Variants in MACROD2 observed in about 807,000 individuals in gnomAD.
MACROD2 encodes the protein ADP-ribose glycohydrolase MACROD2.
Under a neutral mutation model 70.4 loss-of-function variants are expected in MACROD2, and 36 were observed. The observed-to-expected ratio is 0.51, with a 90% CI of 0.39 to 0.68. MACROD2 has a LOEUF of 0.68. Ranked by LOEUF, MACROD2 falls within the 30% of genes least tolerant of loss-of-function variation. The pLI is 0.00. For missense variants in MACROD2, 496 were observed against 538.4 expected (o/e 0.92, Z 0.78); for synonymous variants, 172 against 178.8 (o/e 0.96, Z 0.30).
chr20:14,527,684 T>C (rs987336012), intron 4 of MACROD2, among the ~76,000 whole-genome samples: 2 of 152,252 alleles, frequency 1.3e-5, no homozygotes, highest in Admixed American at 6.5e-5. Flanking sequence ...CATTTTTCTG[T>C]GTTTTACATT....
chr20:15,716,169 A>G (rs996595019), intron 8 of MACROD2, among the ~76,000 whole-genome samples: 5 of 152,184 alleles, frequency 3.3e-5, no homozygotes, highest in African/African-American at 1.2e-4. Flanking sequence ...AATAAAAACT[A>G]TTTAAAAATT....
chr20:15,332,805 T>C (rs2078007069), intron 6 of MACROD2, among the ~76,000 whole-genome samples: 1 of 151,662 alleles, frequency 6.6e-6, no homozygotes, highest in African/African-American at 2.4e-5. Flanking sequence ...CCTTTTCTGT[T>C]GGGGATAGAA....
chr20:14,507,063 G>C (rs2084977116), intron 4 of MACROD2, among the ~76,000 whole-genome samples: 1 of 152,138 alleles, frequency 6.6e-6, no homozygotes, highest in African/African-American at 2.4e-5. Flanking sequence ...CTAGTATTCA[G>C]AGAGAAAAAA....
At chr20:14,407,093 A>G (rs2083698209) in intron 3 of MACROD2, among the ~76,000 whole-genome samples, 1 of 145,784 alleles carries the variant, frequency 6.9e-6, no homozygotes, top group Non-Finnish European at 1.5e-5. Context: ...TTTTATTCAG[A>G]TCTAGTGATA....
intron 5 of MACROD2, among the ~76,000 whole-genome samples, chr20:15,208,050 TC>T (rs1568637464): frequency 6.6e-6 from 1 of 151,674 alleles, no homozygotes; most frequent in East Asian, 1.9e-4. Context: ...TGATTTTAGA[TC>T]TTTTGTAATA....
intron 5 of MACROD2, chr20:15,022,908 T>A (rs1464164485): frequency 1.3e-5 from 2 of 152,212 alleles, no homozygotes; most frequent in Non-Finnish European, 2.9e-5. Context: ...AATATTAGCA[T>A]GTCCCCTGTG....
intron 5 of MACROD2, among the ~76,000 whole-genome samples, chr20:14,881,056 AC>A (rs972746289): frequency 5.9e-5 from 9 of 152,158 alleles, no homozygotes; most frequent in African/African-American, 2.2e-4. Flanking sequence ...ATTAGGGCCT[AC>A]ATGGCCTACC....
chr20:15,215,571 G>T (rs1279471901), intron 5 of MACROD2, among the ~76,000 whole-genome samples: 1 of 151,796 alleles, frequency 6.6e-6, no homozygotes, highest in Non-Finnish European at 1.5e-5. Context: ...CATAAAATTT[G>T]TATAAAACTA....
intron 3 of MACROD2, among the ~76,000 whole-genome samples, chr20:14,431,029 C>T (rs2083989036): frequency 6.6e-6 from 1 of 152,134 alleles, no homozygotes; most frequent in Admixed American, 6.6e-5. Flanking sequence ...ACATCATCTT[C>T]TCTGAGGCAC....
intron 5 of MACROD2, among the ~76,000 whole-genome samples, chr20:14,695,035 T>C (rs1271656430): frequency 1.3e-5 from 2 of 151,738 alleles, no homozygotes; most frequent in African/African-American, 4.9e-5. Flanking sequence ...AAGACTGTGG[T>C]TTCCCTCTCT....
intron 5 of MACROD2, among the ~76,000 whole-genome samples, chr20:15,222,433 C>T (rs1038187742): frequency 3.9e-5 from 6 of 152,144 alleles, no homozygotes; most frequent in Non-Finnish European, 1.5e-5. Context: ...AACTGAACTT[C>T]AAGTATTCTG....
rs570428781 is a variant in MACROD2 at position 15,967,474 on chromosome 20, A to G, written c.908-79A>G. The G allele has an allele frequency of 2.2e-5, 25 of 1,113,154 alleles. No individual in the cohort carries two copies. The South Asian group carries it at 3.4e-4, about 15-fold the overall frequency. The allele number at this position is 1,113,154 out of a possible 1,614,324, so 69.0% of individuals were successfully genotyped here. On this transcript the variant is annotated intron_variant, in intron 12 of 17. Coordinates refer to ENST00000684519, the MANE Select transcript of MACROD2 (RefSeq NM_001351661.2). Reference sequence around the variant, plus strand: ...AAATTCTATTTTTCCTCAAACATAAATCTATCATGTTAGTGCTGAAAGCTG... The same window carrying G: ...AAATTCTATTTTTCCTCAAACATAAGTCTATCATGTTAGTGCTGAAAGCTG...
chr20:14,466,544 A>T (rs958932947), intron 3 of MACROD2, among the ~76,000 whole-genome samples: 1 of 152,000 alleles, frequency 6.6e-6, no homozygotes, highest in Non-Finnish European at 1.5e-5. Flanking sequence ...TGTCAAAGTC[A>T]TTTTCTGTCC....
intron 8 of MACROD2, among the ~76,000 whole-genome samples, chr20:15,777,849 T>A (rs546470683): frequency 6.6e-6 from 1 of 152,286 alleles, no homozygotes; most frequent in East Asian, 1.9e-4. Context: ...TTCACCATGC[T>A]GGCCAGGCTG....
intron 8 of MACROD2, among the ~76,000 whole-genome samples, chr20:15,548,489 G>C (rs1459998098): frequency 4.6e-5 from 7 of 152,086 alleles, no homozygotes; most frequent in African/African-American, 1.7e-4. Context: ...TCCACCCCAA[G>C]GGTTCAAGCG....
chr20:14,300,862 CATT>C (rs75929526), intron 3 of MACROD2, among the ~76,000 whole-genome samples: 29,164 of 152,066 alleles, frequency 0.19, 3,038 homozygotes, highest in South Asian at 0.34. Flanking sequence ...AGTGAGCCAT[CATT>C]GTCACATTAG....
intron 3 of MACROD2, among the ~76,000 whole-genome samples, chr20:14,220,630 C>T (rs1410576518): frequency 2.6e-5 from 4 of 152,144 alleles, no homozygotes; most frequent in Non-Finnish European, 5.9e-5. Context: ...TGCTCTTCTC[C>T]CATTGGATCC....
At chr20:14,182,150 T>C (rs1601321190) in intron 3 of MACROD2, among the ~76,000 whole-genome samples, 1 of 152,202 alleles carries the variant, frequency 6.6e-6, no homozygotes, top group Admixed American at 6.5e-5. Context: ...CTAACACTTA[T>C]AATTTTCCAT....
chr20:14,570,687 G>A (rs573670764), intron 4 of MACROD2, among the ~76,000 whole-genome samples: 14 of 152,042 alleles, frequency 9.2e-5, no homozygotes, highest in African/African-American at 3.1e-4. Flanking sequence ...AGTTATCACA[G>A]TGTTTCAAAC....
Sources: allele counts gnomAD v4.1 joint callset (sites outside exome capture counted in the v4.1 genomes callset), GRCh38; gene constraint gnomAD v4.1.1; transcripts MANE v1.5; gene names NCBI Gene and HGNC (gene_info 2026-07-23, HGNC 2026-07-21).